Variants in MAP4K1 observed in about 807,000 individuals in gnomAD.
MAP4K1 encodes MAPK/ERK kinase kinase kinase 1.
In MAP4K1, 35 loss-of-function variants were observed where a neutral mutation model predicts 122.8. The observed-to-expected ratio is 0.29, with a 90% CI of 0.22 to 0.38. The LOEUF (loss-of-function observed/expected upper bound fraction) is 0.38, where lower values mean the gene tolerates loss of function less well. Ranked by LOEUF, MAP4K1 falls within the 10% of genes least tolerant of loss-of-function variation. MAP4K1 has a pLI of 1.00. For synonymous variants in MAP4K1, 412 were observed against 421.3 expected (o/e 0.98, Z 0.27); for missense variants, 791 against 1,072.6 (o/e 0.74, Z 3.67).
rs868470385 is a variant in MAP4K1 at position 38,587,786 on chromosome 19, C to T, written c.2428G>A (p.Asp810Asn). Residue 810 changes from aspartate (D) to asparagine (N), a missense_variant, in exon 31 of 31, where the codon GAT becomes AAT. Around this residue, in one of 4 missense-constraint regions of MAP4K1, gnomAD observed 267 missense variants for 323.0 expected, o/e 0.83. Coordinates refer to ENST00000396857, the MANE Select transcript of MAP4K1 (RefSeq NM_001042600.3). ...PVVVETRPVD[D>N]PTAPSNLYIQ... ...TAGAGGTTGCTGGGAGCAGTAGGAT[C>T]ATCCACTGGGCGTGTCTCCACCACT... 6.2e-7 allele frequency: 1 copy of T among 1,614,040 alleles called. No homozygotes were observed. Among genetic ancestry groups the T allele is most frequent in the Admixed American group, 1.7e-5 (1 of 59,998 alleles).
At chr19:38,602,969 C>CATAT in intron 19 of MAP4K1, among the ~76,000 whole-genome samples, 1 of 136,932 alleles carries the variant, frequency 7.3e-6, no homozygotes, top group Non-Finnish European at 1.6e-5. Flanking sequence ...TATACACATG[C>CATAT]ACATATATAC....
chr19:38,589,387 C>T, intron 30 of MAP4K1: 1 of 185,598 alleles, frequency 5.4e-6, no homozygotes, highest in South Asian at 6.9e-5. Flanking sequence ...AGACTATTTA[C>T]CTCGTCTCAG....
At position 38,596,058 on chromosome 19, in the gene MAP4K1, C is replaced by G. The variant is rs967455930; in HGVS notation, c.2117-57G>C. The G allele has an allele frequency of 1.1e-5, 17 of 1,555,758 alleles. No homozygotes were observed. The Admixed American group carries it at 2.8e-4, about 26-fold the overall frequency. ...CCACCCCATTCCCCTTTCCCCACAC[C>G]ACCCCCAGAAGGCCAGTACCTGTGC... On this transcript the variant is annotated intron_variant, in intron 26 of 30. Transcript: ENST00000396857.
In MAP4K1 at chr19:38,591,893, C is replaced by G. The variant is rs568341092; in HGVS notation, c.2396+1389G>C. Reference sequence around the variant, plus strand: ...GGCTGAGGCAGGAGAATCGCGTGAACCCAGTGGGTGGAGGTTGTGGTGAGC... The same window carrying G: ...GGCTGAGGCAGGAGAATCGCGTGAAGCCAGTGGGTGGAGGTTGTGGTGAGC... On this transcript the variant is annotated intron_variant, in intron 30 of 30. Coordinates refer to ENST00000396857, the MANE Select transcript of MAP4K1 (RefSeq NM_001042600.3). 1.7e-3 allele frequency among the ~76,000 whole-genome samples: 251 copies of G among 151,818 alleles called. 2 individuals are homozygous for G. Among genetic ancestry groups the G allele is most frequent in the Middle Eastern group, 6.8e-3 (2 of 294 alleles).
chr19:38,609,695 G>A (rs766092850), intron 12 of MAP4K1, 21 bp from the exon 13 acceptor site: 20 of 1,600,996 alleles, frequency 1.2e-5, no homozygotes, highest in Middle Eastern at 3.4e-4. Flanking sequence ...GGGCAGCCAC[G>A]TCAGGGCTCA....
chr19:38,606,424 C>T (rs886258086), intron 16 of MAP4K1, among the ~76,000 whole-genome samples: 2 of 152,134 alleles, frequency 1.3e-5, no homozygotes, highest in Admixed American at 6.5e-5. Flanking sequence ...CTTTGGGAGG[C>T]CAGGGCAGGA....
rs1975674408 is a variant in MAP4K1 at position 38,617,280 on chromosome 19, G to A, written c.248+74C>T. 5.2e-6 allele frequency: 5 copies of A among 957,002 alleles called. No homozygotes were observed. Among genetic ancestry groups the A allele is most frequent in the East Asian group, 4.8e-5 (2 of 41,918 alleles). 59.3% of individuals were successfully genotyped at this position (957,002 alleles called of 1,614,324 possible). The stretch of plus-strand genomic sequence containing the variant: ...AGAAAAGAAAAAAAAAGAACTGAGG[G>A]TACCCCCATCAAGAAATGGGGACTC... On this transcript the variant is annotated intron_variant, in intron 3 of 30. Transcript: ENST00000396857. This position sits in a 1 kb window ranked among gnomAD's most constrained non-coding sequence, Gnocchi z 4.1.
chr19:38,596,228 C>T (rs1433774134), intron 26 of MAP4K1, 84 bp downstream of exon 26: 5 of 1,464,350 alleles, frequency 3.4e-6, no homozygotes, highest in Middle Eastern at 1.8e-4. Context: ...CCCGTAGTGC[C>T]TCAGGCTAAG....
chr19:38,612,854 G>T, intron 8 of MAP4K1, 112 bp from the exon 9 acceptor site: 3 of 1,156,956 alleles, frequency 2.6e-6, no homozygotes, highest in Non-Finnish European at 3.7e-6. Flanking sequence ...GAGTCAGATG[G>T]AGAGACAGAG....
chr19:38,593,045 A>C (rs577953737), intron 30 of MAP4K1, among the ~76,000 whole-genome samples: 1 of 152,200 alleles, frequency 6.6e-6, no homozygotes, highest in African/African-American at 2.4e-5. Flanking sequence ...GGCTGCAGTG[A>C]GCCGTGGTCG....
At chr19:38,610,929 G>A in intron 11 of MAP4K1, 122 bp downstream of exon 11, 1 of 837,608 alleles carries the variant, frequency 1.2e-6, no homozygotes, top group South Asian at 1.5e-5. Context: ...GGGAAATTCT[G>A]AGGCACTAGG....
At position 38,597,293 on chromosome 19, in the gene MAP4K1, C is replaced by T; in HGVS notation, c.1837+33G>A. 3 of 1,613,572 alleles carry T rather than the reference C, an allele frequency of 1.9e-6. No homozygotes were observed. Among genetic ancestry groups the T allele is most frequent in the Non-Finnish European group, 2.5e-6 (3 of 1,179,820 alleles). On this transcript the variant is annotated intron_variant, in intron 24 of 30. Coordinates refer to ENST00000396857, the MANE Select transcript of MAP4K1 (RefSeq NM_001042600.3). This position sits in a 1 kb window ranked among gnomAD's most constrained non-coding sequence, Gnocchi z 4.6. ...GCCCCTCCTCTGGCCTGGCCCCGCCCACTCTCTGCACACCCGTGAAGCTCT... is the reference window on the plus strand; with the variant it reads ...GCCCCTCCTCTGGCCTGGCCCCGCCTACTCTCTGCACACCCGTGAAGCTCT...
rs1334059675 is a variant in MAP4K1 at position 38,593,262 on chromosome 19, C to G, written c.2396+20G>C. 1.2e-6 allele frequency: 2 copies of G among 1,609,020 alleles called. No individual in the cohort carries two copies. Among genetic ancestry groups the G allele is most frequent in the East Asian group, 4.5e-5 (2 of 44,700 alleles). Reference sequence around the variant, plus strand: ...AGAAGCCCCCTCCCAGGTCCTTCTGCACCCCACCCCACAACATACCTGGGG... The same window carrying G: ...AGAAGCCCCCTCCCAGGTCCTTCTGGACCCCACCCCACAACATACCTGGGG... On this transcript the variant is annotated intron_variant, in intron 30 of 30. Transcript: ENST00000396857.
rs951684177 is a variant in MAP4K1, at chr19:38,593,285, G to T, written c.2393C>A (p.Pro798His). 3 of 1,611,764 alleles carry T rather than the reference G, an allele frequency of 1.9e-6. No individual in the cohort carries two copies. Among genetic ancestry groups the T allele is most frequent in the Admixed American group, 3.3e-5 (2 of 59,754 alleles). Residue 798 changes from proline (P) to histidine (H), a missense_variant, in exon 30 of 31, where the codon CCC (proline) becomes CAC (histidine). By Grantham distance (77) the Pro-to-His change is moderately conservative. Coordinates refer to ENST00000396857, the MANE Select transcript of MAP4K1 (RefSeq NM_001042600.3). ...PTLTFRLLGS[P>H]RPVVVETRPV... ...TGCACCCCACCCCACAACATACCTGGGGGAGCCAAGCAGACGGAAAGTGAG... is the reference window on the plus strand; with the variant it reads ...TGCACCCCACCCCACAACATACCTGTGGGAGCCAAGCAGACGGAAAGTGAG...
At chr19:38,609,308 T>C (rs757557006) in intron 13 of MAP4K1, among the ~76,000 whole-genome samples, 19 of 152,124 alleles carry the variant, frequency 1.2e-4, no homozygotes, top group Non-Finnish European at 1.6e-4. Context: ...CTAATTTTTG[T>C]ATTTTTAGCA....
rs755070360 is a variant in MAP4K1 at position 38,614,216 on chromosome 19, C to G, written c.417+29G>C. The G allele has an allele frequency of 1.2e-5, 19 of 1,613,236 alleles. No individual in the cohort carries two copies. The Admixed American group carries it at 1.3e-4, about 11-fold the overall frequency. The stretch of plus-strand genomic sequence containing the variant: ...ACTCCCATCTCCTGGGCCCCACCCC[C>G]CAACAGCACCCCTACACCCCCAGAC... On this transcript the variant is annotated intron_variant, in intron 6 of 30. Transcript: ENST00000396857.
intron 19 of MAP4K1, among the ~76,000 whole-genome samples, chr19:38,602,542 A>G (rs1412081493): frequency 1.4e-5 from 2 of 147,926 alleles, no homozygotes; most frequent in Non-Finnish European, 3.0e-5. Flanking sequence ...ATATACACAT[A>G]TACATATATA....
At chr19:38,588,097 A>T (rs139962828) in intron 30 of MAP4K1, among the ~76,000 whole-genome samples, 10 of 152,234 alleles carry the variant, frequency 6.6e-5, no homozygotes, top group African/African-American at 2.4e-4. Context: ...TGCAGCCTGA[A>T]GGGGGGTTAG....
At position 38,601,527 on chromosome 19, in the gene MAP4K1, T is replaced by C. The variant is rs1975064352; in HGVS notation, c.1447-2A>G. The C allele has an allele frequency of 6.2e-7, 1 of 1,603,660 alleles. No individual in the cohort carries two copies. Among genetic ancestry groups the C allele is most frequent in the Non-Finnish European group, 8.5e-7 (1 of 1,175,532 alleles). On this transcript the variant is annotated splice_acceptor_variant, in intron 19 of 30. Transcript: ENST00000396857. LOFTEE classifies it high-confidence loss of function. The stretch of plus-strand genomic sequence containing the variant: ...CAACTTTACGAGAAGGGCACATCCC[T>C]GGGCAGGTCGCCGCGGGGCCAGGCA...
Sources: allele counts gnomAD v4.1 joint callset (sites outside exome capture counted in the v4.1 genomes callset), GRCh38; gene constraint gnomAD v4.1.1; regional missense constraint gnomAD v4.1.1; non-coding constraint Gnocchi (gnomAD v3.1); transcripts MANE v1.5; gene names NCBI Gene and HGNC (gene_info 2026-07-23, HGNC 2026-07-21).